CX3CL1: variants seen among roughly 807,000 people sequenced by gnomAD.
CX3CL1 encodes C-X3-C motif chemokine ligand 1.
A neutral mutation model predicts 14.1 loss-of-function variants in CX3CL1; 1 was observed. That is an observed-to-expected ratio of 0.07 (90% CI 0.03 to 0.34). CX3CL1 has a LOEUF of 0.34. Among genes scored for constraint, CX3CL1 ranks in the 10% least tolerant of loss-of-function variants. The pLI is 0.99. For synonymous variants in CX3CL1, 255 were observed against 229.6 expected, an observed-to-expected ratio of 1.11 and a Z score of -1.00; for missense variants, 505 against 536.4, an observed-to-expected ratio of 0.94 and a Z score of 0.58.
chr16:57,375,560 A>C (rs774870131), intron 1 of CX3CL1, among the ~76,000 whole-genome samples: 2 of 152,212 alleles, frequency 1.3e-5, no homozygotes, highest in Non-Finnish European at 2.9e-5. Flanking sequence ...GAAGTTAAAA[A>C]ATTCTTATTC....
rs1326285162 is a variant in CX3CL1, at chr16:57,372,562, C to T, written c.-7C>T. On this transcript the variant is annotated 5_prime_UTR_variant, in exon 1 of 3. Transcript: ENST00000006053. The stretch of plus-strand genomic sequence containing the variant: ...GCCCCCGCCGGGACTCTTGCCCACC[C>T]TCAGCCATGGCTCCGATATCTCTGT... 3 of 1,611,712 alleles carry T rather than the reference C, an allele frequency of 1.9e-6. No homozygotes were observed. Among genetic ancestry groups the T allele is most frequent in the East Asian group, 2.2e-5 (1 of 44,866 alleles).
intron 1 of CX3CL1, among the ~76,000 whole-genome samples, chr16:57,373,196 T>C (rs1352254968): frequency 6.6e-6 from 1 of 152,212 alleles, no homozygotes; most frequent in African/African-American, 2.4e-5. Flanking sequence ...ATAGCCCCAG[T>C]TGCTCTGCCT....
intron 1 of CX3CL1, among the ~76,000 whole-genome samples, chr16:57,373,195 G>T (rs1438037397): frequency 6.6e-6 from 1 of 152,198 alleles, no homozygotes; most frequent in Admixed American, 6.5e-5. Context: ...TATAGCCCCA[G>T]TTGCTCTGCC....
intron 2 of CX3CL1, 90 bp downstream of exon 2, chr16:57,379,844 C>T (rs1348860136): frequency 6.7e-7 from 1 of 1,495,198 alleles, no homozygotes; most frequent in Non-Finnish European, 9.2e-7. Context: ...ACCTCCGCTC[C>T]CAGACCTGGG....
Position 57,382,491 on chromosome 16 carries a change from C to CCCCGTCCACCCAGGA in CX3CL1, c.657_671dup (p.Asp223_Gln227dup). 6.2e-7 allele frequency: 1 copy of CCCCGTCCACCCAGGA among 1,612,410 alleles called. No homozygotes were observed. The highest frequency in any genetic ancestry group is 8.5e-7 in the Non-Finnish European group (1 of 1,179,578). ...TGGGCTGAGGCAAAGACCTCTGAGGCCCCGTCCACCCAGGACCCCTCCACC... is the reference window on the plus strand; with the variant it reads ...TGGGCTGAGGCAAAGACCTCTGAGGCCCCGTCCACCCAGGACCCGTCCACCCAGGACCCCTCCACC... On this transcript the variant is annotated inframe_insertion, in exon 3 of 3. Transcript: ENST00000006053. This position sits in a 1 kb window ranked among gnomAD's most constrained non-coding sequence, Gnocchi z 6.9.
At position 57,382,461 on chromosome 16, in the gene CX3CL1, G is replaced by C. The variant is rs755255029; in HGVS notation, c.623G>C (p.Ser208Thr). 1.9e-6 allele frequency: 3 copies of C among 1,612,740 alleles called. No homozygotes were observed. The highest frequency in any genetic ancestry group is 4.5e-5 in the East Asian group (2 of 44,882). ...QSSAPHQPGP[S>T]LWAEAKTSEA... ...TCTGCTCCCCACCAACCTGGGCCCA[G>C]CCTCTGGGCTGAGGCAAAGACCTCT... Residue 208 changes from serine to threonine, a missense_variant, in exon 3 of 3, where the codon AGC (serine) becomes ACC (threonine). Transcript: ENST00000006053. The surrounding 1 kb of genome is among the most constrained non-coding windows in gnomAD (Gnocchi z 6.9).
In CX3CL1 at chr16:57,382,283, A is replaced by T; in HGVS notation, c.445A>T (p.Arg149Trp). 6.2e-7 allele frequency: 1 copy of T among 1,607,674 alleles called. No individual in the cohort carries two copies. The highest frequency in any genetic ancestry group is 8.5e-7 in the Non-Finnish European group (1 of 1,176,412). ...GACTCCTTCTTCCCAGGAAGCACAG[A>T]GGGCCCTGGGGACCTCCCCAGAGCT... The part of the protein sequence containing the change: ...EPTPSSQEAQ[R>W]ALGTSPELPT... The change falls in exon 3 of 3, where the codon AGG becomes TGG. Residue 149 changes from arginine (R) to tryptophan (W), a missense_variant. Transcript: ENST00000006053. The surrounding 1 kb of genome is among the most constrained non-coding windows in gnomAD (Gnocchi z 6.9).
chr16:57,383,982 A>G lies in CX3CL1; in HGVS notation c.*950A>G, dbSNP rs575874363. On this transcript the variant is annotated 3_prime_UTR_variant, in exon 3 of 3. Transcript: ENST00000006053. ...CCAAATGGAAATGGGCAGAGCAGAG[A>G]CCATCCCTGAAGGCCCCGCCCAGGC... The G allele has an allele frequency of 1.2e-4, 18 of 152,392 alleles. No homozygotes were observed. Among genetic ancestry groups the G allele is most frequent in the Admixed American group, 3.3e-4 (5 of 15,300 alleles). 9.4% of individuals were successfully genotyped at this position (152,392 alleles called of 1,614,324 possible). A position where few individuals can be genotyped will look rare whatever the true frequency, so the allele number is the denominator to read the frequency against.
chr16:57,372,522 C>T lies in CX3CL1; in HGVS notation c.-47C>T, dbSNP rs1440806318. Reference sequence around the variant, plus strand: ...CAGCACTGAGCTCTGCCGCCTGGCTCTAGCCGCCTGCCTGGCCCCCGCCGG... The same window carrying T: ...CAGCACTGAGCTCTGCCGCCTGGCTTTAGCCGCCTGCCTGGCCCCCGCCGG... On this transcript the variant is annotated 5_prime_UTR_variant, in exon 1 of 3. Transcript: ENST00000006053. 14 of 1,583,152 alleles carry T rather than the reference C, an allele frequency of 8.8e-6. No homozygotes were observed. The highest frequency in any genetic ancestry group is 1.2e-5 in the Non-Finnish European group (14 of 1,159,968).
Position 57,382,902 on chromosome 16 carries a change from TG to T in CX3CL1, c.1069del (p.Val357TrpfsTer72). The T allele has an allele frequency of 1.3e-6, 2 of 1,554,092 alleles. No homozygotes were observed. Among genetic ancestry groups the T allele is most frequent in the Non-Finnish European group, 1.7e-6 (2 of 1,147,450 alleles). On this transcript the variant is annotated frameshift_variant, in exon 3 of 3. Coordinates refer to ENST00000006053, the MANE Select transcript of CX3CL1 (RefSeq NM_002996.6). LOFTEE classifies it high-confidence loss of function. The surrounding 1 kb of genome is among the most constrained non-coding windows in gnomAD (Gnocchi z 6.9). Reference sequence around the variant, plus strand: ...GCCTTCCTTGGCCTCCTCTTCTGCCTGGGGGTGGCCATGTTCACCTACCAGA... The same window carrying T: ...GCCTTCCTTGGCCTCCTCTTCTGCCTGGGGTGGCCATGTTCACCTACCAGA... ...LLAFLGLLFC[L>X]GVAMFTYQSL...
rs143145386 is a variant in CX3CL1, at chr16:57,382,462, C to T, written c.624C>T (p.Ser208=). 7 of 1,612,666 alleles carry T rather than the reference C, an allele frequency of 4.3e-6. No homozygotes were observed. Among genetic ancestry groups the T allele is most frequent in the Admixed American group, 3.3e-5 (2 of 59,944 alleles). ...QSSAPHQPGP[S]LWAEAKTSEA... ...CTGCTCCCCACCAACCTGGGCCCAG[C>T]CTCTGGGCTGAGGCAAAGACCTCTG... The change falls in exon 3 of 3, where the codon AGC becomes AGT. Residue 208 remains serine, a synonymous_variant. Coordinates refer to ENST00000006053, the MANE Select transcript of CX3CL1 (RefSeq NM_002996.6). This position sits in a 1 kb window ranked among gnomAD's most constrained non-coding sequence, Gnocchi z 6.9.
intron 1 of CX3CL1, chr16:57,376,943 AG>A: frequency 6.6e-6 from 1 of 152,330 alleles, no homozygotes; most frequent in South Asian, 2.1e-4. Flanking sequence ...CTCCATTTAC[AG>A]AAAGGAAAAT....
chr16:57,376,327 C>T (rs1425875479), intron 1 of CX3CL1, among the ~76,000 whole-genome samples: 1 of 152,246 alleles, frequency 6.6e-6, no homozygotes, highest in Non-Finnish European at 1.5e-5. Context: ...GCACTCTCTT[C>T]AAACTCAGCA....
Position 57,372,960 on chromosome 16 carries a change from T to TGCA in CX3CL1, c.70+324_70+326dup, listed in dbSNP as rs1246592816. Among the ~76,000 whole-genome samples the TGCA allele has an allele frequency of 3.3e-5, 5 of 152,020 alleles. No individual in the cohort carries two copies. The East Asian group carries it at 7.7e-4, about 24-fold the overall frequency. The stretch of plus-strand genomic sequence containing the variant: ...CAGGAGGGCGGGGGTGGAGAGAGCC[T>TGCA]GCAGAAGCTCCTGCTGGGCACTGGG... On this transcript the variant is annotated intron_variant, in intron 1 of 2. Transcript: ENST00000006053.
In CX3CL1 at chr16:57,382,909, G is replaced by A. The variant is rs374256527; in HGVS notation, c.1071G>A (p.Val357=). ...AFLGLLFCLG[V]AMFTYQSLQG... Reference sequence around the variant, plus strand: ...TTGGCCTCCTCTTCTGCCTGGGGGTGGCCATGTTCACCTACCAGAGCCTCC... The same window carrying A: ...TTGGCCTCCTCTTCTGCCTGGGGGTAGCCATGTTCACCTACCAGAGCCTCC... The change falls in exon 3 of 3, where the codon GTG becomes GTA. Residue 357 remains valine, a synonymous_variant. Coordinates refer to ENST00000006053, the MANE Select transcript of CX3CL1 (RefSeq NM_002996.6). The surrounding 1 kb of genome is among the most constrained non-coding windows in gnomAD (Gnocchi z 6.9). 1.9e-5 allele frequency: 29 copies of A among 1,551,106 alleles called. No individual in the cohort carries two copies. The highest frequency in any genetic ancestry group is 2.4e-5 in the Non-Finnish European group (28 of 1,146,466).
Position 57,382,084 on chromosome 16 carries a change from C to G in CX3CL1, c.246C>G (p.Val82=). Residue 82 remains valine, a synonymous_variant, in exon 3 of 3, where the codon GTC becomes GTG. Transcript: ENST00000006053. This position sits in a 1 kb window ranked among gnomAD's most constrained non-coding sequence, Gnocchi z 6.9. ...LFCADPKEQW[V]KDAMQHLDRQ... Reference sequence around the variant, plus strand: ...GTGCCGACCCGAAGGAGCAATGGGTCAAGGACGCGATGCAGCATCTGGACC... The same window carrying G: ...GTGCCGACCCGAAGGAGCAATGGGTGAAGGACGCGATGCAGCATCTGGACC... 6.2e-7 allele frequency: 1 copy of G among 1,613,184 alleles called. No homozygotes were observed. The highest frequency in any genetic ancestry group is 8.5e-7 in the Non-Finnish European group (1 of 1,179,472).
chr16:57,380,749 C>A (rs2146513656), intron 2 of CX3CL1, among the ~76,000 whole-genome samples: 1 of 152,204 alleles, frequency 6.6e-6, no homozygotes, highest in South Asian at 2.1e-4. Flanking sequence ...CTCCTGGGGG[C>A]TCTCTTGGGT....
chr16:57,382,609 G>A lies in CX3CL1; in HGVS notation c.771G>A (p.Glu257=). 4 of 1,613,928 alleles carry A rather than the reference G, an allele frequency of 2.5e-6. No individual in the cohort carries two copies. Among genetic ancestry groups the A allele is most frequent in the South Asian group, 1.1e-5 (1 of 91,072 alleles). The change falls in exon 3 of 3, where the codon GAG becomes GAA. Residue 257 remains glutamate (E), a synonymous_variant. Coordinates refer to ENST00000006053, the MANE Select transcript of CX3CL1 (RefSeq NM_002996.6). The surrounding 1 kb of genome is among the most constrained non-coding windows in gnomAD (Gnocchi z 6.9). ...VWGQGQSPRP[E]NSLEREEMGP... ...GTCAGGGACAGAGCCCCAGGCCAGA[G>A]AACTCTCTGGAGCGGGAGGAGATGG... is the stretch of plus-strand genomic sequence containing the variant.
At chr16:57,372,769 A>C in intron 1 of CX3CL1, 131 bp downstream of exon 1, 1 of 836,542 alleles carries the variant, frequency 1.2e-6, no homozygotes, top group Non-Finnish European at 1.9e-6. Context: ...CCGCTTCCCC[A>C]GGGATGTGCG....
Sources: gnomAD v4.1 joint callset for allele counts (sites outside exome capture counted in the v4.1 genomes callset) on GRCh38, gnomAD v4.1.1 for gene constraint, Gnocchi (gnomAD v3.1) non-coding constraint, MANE v1.5 for transcripts, NCBI Gene and HGNC (gene_info 2026-07-23, HGNC 2026-07-21) for gene names.